CBLB: variants seen among roughly 807,000 people sequenced by gnomAD.
The protein encoded by CBLB is Cbl proto-oncogene B.
Under a neutral mutation model 104.9 loss-of-function variants are expected in CBLB, and 31 were observed. The observed-to-expected ratio is 0.30, with a 90% CI of 0.22 to 0.40. The LOEUF is 0.40. Among genes scored for constraint, CBLB ranks in the 10% least tolerant of loss-of-function variants. The probability of loss-of-function intolerance (pLI) is 1.00; values close to 1 mark genes in which losing one functional copy is unlikely to be tolerated. For synonymous variants in CBLB, 440 were observed against 422.6 expected (o/e 1.04, Z -0.51); for missense variants, 1,062 against 1,214.6 (o/e 0.87, Z 1.87).
chr3:105,722,642 G>A (rs2073052142), intron 9 of CBLB, among the ~76,000 whole-genome samples: 1 of 152,152 alleles, frequency 6.6e-6, no homozygotes, highest in South Asian at 2.1e-4. Context: ...TGCATAGAAT[G>A]TGCAAGCCAC....
At chr3:105,716,313 T>C (rs1424541503) in intron 10 of CBLB, among the ~76,000 whole-genome samples, 1 of 152,186 alleles carries the variant, frequency 6.6e-6, no homozygotes, top group Non-Finnish European at 1.5e-5. Flanking sequence ...ATTAGGTCAT[T>C]GCCCTAAAGG....
chr3:105,678,793 C>A (rs978937989), intron 16 of CBLB, among the ~76,000 whole-genome samples: 1 of 152,122 alleles, frequency 6.6e-6, no homozygotes, highest in Non-Finnish European at 1.5e-5. Flanking sequence ...TACATACGTA[C>A]AAACACACCC....
At chr3:105,866,663 T>A (rs2092444445) in intron 2 of CBLB, among the ~76,000 whole-genome samples, 1 of 152,244 alleles carries the variant, frequency 6.6e-6, no homozygotes, top group Non-Finnish European at 1.5e-5. Context: ...TAAATCTCTG[T>A]AAGGTATTCA....
intron 5 of CBLB, chr3:105,749,707 T>C (rs754125993): frequency 1.9e-5 from 5 of 256,602 alleles, no homozygotes; most frequent in South Asian, 1.1e-4. Context: ...GCTCTTACTA[T>C]TTAGAATGTC....
At chr3:105,848,689 A>G (rs2090584614) in intron 3 of CBLB, among the ~76,000 whole-genome samples, 1 of 152,138 alleles carries the variant, frequency 6.6e-6, no homozygotes, top group African/African-American at 2.4e-5. Context: ...TAAAGCGGGC[A>G]GAATCACATG....
intron 6 of CBLB, 93 bp from the exon 7 acceptor site, chr3:105,740,724 C>T (rs978044661): frequency 7.8e-6 from 9 of 1,150,932 alleles, no homozygotes; most frequent in Admixed American, 5.7e-5. Flanking sequence ...AAAGAATAAA[C>T]AATCATTTAG....
intron 12 of CBLB, 70 bp downstream of exon 12, chr3:105,702,024 C>T (rs1272255917): frequency 1.3e-6 from 2 of 1,581,880 alleles, no homozygotes; most frequent in Non-Finnish European, 1.7e-6. Flanking sequence ...ACTTCCCAAC[C>T]TTTTATGCTA....
chr3:105,822,008 T>C (rs941615805), intron 3 of CBLB, among the ~76,000 whole-genome samples: 10 of 152,160 alleles, frequency 6.6e-5, no homozygotes, highest in African/African-American at 1.4e-4. Flanking sequence ...CACATATAAA[T>C]GTGGCTCATT....
At chr3:105,784,617 TTTA>T (rs1577164048) in intron 3 of CBLB, among the ~76,000 whole-genome samples, 1 of 152,200 alleles carries the variant, frequency 6.6e-6, no homozygotes, top group East Asian at 1.9e-4. Flanking sequence ...TTAATCCATA[TTTA>T]TTGCTTCTGA....
chr3:105,659,508 G>C (rs899903193), intron 18 of CBLB, among the ~76,000 whole-genome samples: 2 of 152,092 alleles, frequency 1.3e-5, no homozygotes, highest in African/African-American at 4.8e-5. Flanking sequence ...TATGTGGTCA[G>C]AGAGATAGAG....
intron 13 of CBLB, 49 bp downstream of exon 13, chr3:105,693,445 C>T: frequency 9.0e-7 from 1 of 1,113,860 alleles, no homozygotes; most frequent in South Asian, 1.3e-5. Flanking sequence ...AACCACTCTA[C>T]CATATCTTGA....
At chr3:105,858,883 C>T (rs2091859829) in intron 2 of CBLB, among the ~76,000 whole-genome samples, 1 of 152,034 alleles carries the variant, frequency 6.6e-6, no homozygotes, top group African/African-American at 2.4e-5. Flanking sequence ...TTTAAGGAGA[C>T]TCTCTCTGTA....
In CBLB at chr3:105,685,182, T is replaced by C. The variant is rs564338600; in HGVS notation, c.2201+138A>G. 141 of 753,670 alleles carry C rather than the reference T, an allele frequency of 1.9e-4. 1 individual carries two copies. The highest frequency in any genetic ancestry group is 2.6e-4 in the Non-Finnish European group (115 of 438,648). The allele number at this position is 753,670 out of a possible 1,614,324, so 46.7% of individuals were successfully genotyped here. Reference sequence around the variant, plus strand: ...TTTTCTTTAAAAGTAATGCTGGAAATGGTATAATAGGAAGAGAAGGATTTG... The same window carrying C: ...TTTTCTTTAAAAGTAATGCTGGAAACGGTATAATAGGAAGAGAAGGATTTG... On this transcript the variant is annotated intron_variant, in intron 14 of 18. Coordinates refer to ENST00000394030, the MANE Select transcript of CBLB (RefSeq NM_170662.5).
intron 9 of CBLB, among the ~76,000 whole-genome samples, chr3:105,721,357 T>C (rs1466064804): frequency 6.6e-6 from 1 of 152,160 alleles, no homozygotes; most frequent in Non-Finnish European, 1.5e-5. Flanking sequence ...AAGGATGGAA[T>C]AACTCTCTCA....
Position 105,658,979 on chromosome 3 carries a change from T to A in CBLB, c.2940A>T (p.Leu980=), listed in dbSNP as rs754557991. 1.9e-6 allele frequency: 3 copies of A among 1,613,796 alleles called. No homozygotes were observed. In the African/African-American group the frequency reaches 4.0e-5, roughly 22 times the overall value. Residue 980 remains leucine, a synonymous_variant, in exon 19 of 19, where the codon CTA becomes CTT. Coordinates refer to ENST00000394030, the MANE Select transcript of CBLB (RefSeq NM_170662.5). ...TCTACAGTTCTGGCTGCTATAGATT[T>A]AGACGTGGGGATACTGGAGGAGGGA... ...FAFPPPVSPR[L]NL is the part of the protein sequence containing the mutation.
chr3:105,702,323 T>C lies in CBLB; in HGVS notation c.1730A>G (p.His577Arg). The C allele has an allele frequency of 1.2e-6, 2 of 1,613,812 alleles. No homozygotes were observed. The highest frequency in any genetic ancestry group is 1.7e-6 in the Non-Finnish European group (2 of 1,179,940). ...GTCTCTGGAAGGCACGCTTTCCACA[T>C]GATGGATGTGTCTACTCAGTCTATT... is the stretch of plus-strand genomic sequence containing the variant. ...PDNRLSRHIH[H>R]VESVPSRDPP... The change falls in exon 12 of 19, where the codon CAT becomes CGT. Residue 577 changes from histidine (H) to arginine (R), a missense_variant. By Grantham distance (29) the His-to-Arg change is conservative (BLOSUM62 0). Around this residue, in one of 2 missense-constraint regions of CBLB, gnomAD observed 605 missense variants for 582.6 expected, o/e 1.04. Transcript: ENST00000394030.
intron 3 of CBLB, among the ~76,000 whole-genome samples, chr3:105,802,210 C>T (rs769317): frequency 0.96 from 146,803 of 152,326 alleles, 70,823 homozygotes; most frequent in East Asian, 1. Flanking sequence ...TAGCCTCTTT[C>T]CTTACTGTAG....
chr3:105,844,046 A>C (rs906274219), intron 3 of CBLB, among the ~76,000 whole-genome samples: 1 of 152,200 alleles, frequency 6.6e-6, no homozygotes, highest in Non-Finnish European at 1.5e-5. Context: ...CTGATCCAAA[A>C]TCACTGGTGT....
intron 3 of CBLB, among the ~76,000 whole-genome samples, chr3:105,797,798 T>C (rs2082404887): frequency 6.6e-6 from 1 of 152,232 alleles, no homozygotes; most frequent in Non-Finnish European, 1.5e-5. Flanking sequence ...ATCAGGGCAA[T>C]TTGCTTTTCA....
Sources: gnomAD v4.1 joint callset for allele counts (sites outside exome capture counted in the v4.1 genomes callset) on GRCh38, gnomAD v4.1.1 for gene constraint, gnomAD v4.1.1 regional missense constraint, MANE v1.5 for transcripts, NCBI Gene and HGNC (gene_info 2026-07-23, HGNC 2026-07-21) for gene names.